CNTN1: variants seen among roughly 807,000 people sequenced by gnomAD.
CNTN1 encodes contactin 1.
In CNTN1, 38 loss-of-function variants were observed where a neutral mutation model predicts 126.4. The ratio of observed to expected loss-of-function variants is 0.30; its 90% confidence interval spans 0.23 to 0.39. CNTN1 has a LOEUF of 0.39. Ranked by LOEUF, CNTN1 falls within the 10% of genes least tolerant of loss-of-function variation. The pLI, the probability that CNTN1 is intolerant of heterozygous loss-of-function variation, is 1.00. For missense variants in CNTN1, 1,009 were observed against 1,248.4 expected, an observed-to-expected ratio of 0.81 and a Z score of 2.89; for synonymous variants, 413 against 422.6, an observed-to-expected ratio of 0.98 and a Z score of 0.28.
At chr12:40,789,858 A>G (rs78105535) in intron 1 of CNTN1, among the ~76,000 whole-genome samples, 8,145 of 152,174 alleles carry the variant, frequency 0.054, 296 homozygotes, top group Admixed American at 0.079. Flanking sequence ...TTGTATTATC[A>G]TTTTTGTAAA....
chr12:40,800,139 A>T (rs1410777579), intron 1 of CNTN1, among the ~76,000 whole-genome samples: 1 of 151,900 alleles, frequency 6.6e-6, no homozygotes, highest in Non-Finnish European at 1.5e-5. Context: ...TAATTGGATC[A>T]TGGGGGTGGT....
intron 15 of CNTN1, among the ~76,000 whole-genome samples, chr12:40,963,830 A>AT (rs1248129195): frequency 1.3e-5 from 2 of 152,164 alleles, no homozygotes; most frequent in Non-Finnish European, 2.9e-5. Flanking sequence ...CTGTATGAAT[A>AT]TTTTTTAGCA....
rs1269694527 is a variant in CNTN1, at chr12:41,053,425, CTAAATATA to C, written c.2981-16531_2981-16524del. On this transcript the variant is annotated intron_variant, in intron 23 of 23. Coordinates refer to ENST00000551295, the MANE Select transcript of CNTN1 (RefSeq NM_001843.4). ...AGATTTTGTCTCTTTCATGTTTTCACTAAATATATATATATATATATATATATATATAT... is the reference window on the plus strand; with the variant it reads ...AGATTTTGTCTCTTTCATGTTTTCACTATATATATATATATATATATATAT... Among the ~76,000 whole-genome samples, 18 of 35,864 alleles carry C rather than the reference CTAAATATA, an allele frequency of 5.0e-4. 1 individual carries two copies. Among genetic ancestry groups the C allele is most frequent in the African/African-American group, 2.8e-3 (15 of 5,390 alleles). The allele number at this position is 35,864 out of a possible 152,430, so 23.5% of individuals were successfully genotyped here.
intron 1 of CNTN1, among the ~76,000 whole-genome samples, chr12:40,758,881 GTT>G (rs1016246199): frequency 8.7e-3 from 96 of 11,022 alleles, no homozygotes; most frequent in South Asian, 0.024. Flanking sequence ...GAGGATTCAG[GTT>G]TTATATATAT....
Position 40,868,636 on chromosome 12 carries a change from G to T in CNTN1, c.-76-39721G>T, listed in dbSNP as rs146692723. 1.5e-3 allele frequency among the ~76,000 whole-genome samples: 223 copies of T among 152,120 alleles called. 3 individuals carry two copies. The highest frequency in any genetic ancestry group is 5.2e-3 in the African/African-American group (217 of 41,492). ...CACCTCCTTAAAAATTGCCCTCTTT[G>T]CTCCTCTTGATGCTTCTGCACCTGC... On this transcript the variant is annotated intron_variant, in intron 1 of 23. Coordinates refer to ENST00000551295, the MANE Select transcript of CNTN1 (RefSeq NM_001843.4).
chr12:40,846,532 G>A lies in CNTN1; in HGVS notation c.-76-61825G>A, dbSNP rs545905675. Among the ~76,000 whole-genome samples, 9 of 152,232 alleles carry A rather than the reference G, an allele frequency of 5.9e-5. No individual in the cohort carries two copies. The East Asian group carries it at 1.7e-3, about 29-fold the overall frequency. On this transcript the variant is annotated intron_variant, in intron 1 of 23. Coordinates refer to ENST00000551295, the MANE Select transcript of CNTN1 (RefSeq NM_001843.4). ...AGCATTTTCATTGCTCCCATGTGTC[G>A]TCACTCCACATAGCAGTAGAAAAGC...
intron 1 of CNTN1, among the ~76,000 whole-genome samples, chr12:40,727,152 T>C (rs928971688): frequency 4.6e-5 from 7 of 151,158 alleles, no homozygotes; most frequent in African/African-American, 1.7e-4. Flanking sequence ...AATGTGATGA[T>C]TACACTTCTT....
intron 1 of CNTN1, among the ~76,000 whole-genome samples, chr12:40,735,686 G>C (rs1450395087): frequency 6.6e-6 from 1 of 152,106 alleles, no homozygotes; most frequent in African/African-American, 2.4e-5. Flanking sequence ...CACAATTTAA[G>C]ATGAAGAGCT....
intron 14 of CNTN1, among the ~76,000 whole-genome samples, chr12:40,958,836 T>C (rs1220543892): frequency 6.6e-6 from 1 of 152,078 alleles, no homozygotes. Context: ...ATGAAATAGT[T>C]TCATCCCTTG....
intron 1 of CNTN1, among the ~76,000 whole-genome samples, chr12:40,866,919 G>A (rs1000966240): frequency 1.3e-5 from 2 of 152,214 alleles, no homozygotes; most frequent in East Asian, 3.9e-4. Context: ...ACTTTGTGAA[G>A]TCTTTCTGTG....
At chr12:40,725,272 A>C (rs1476594805) in intron 1 of CNTN1, among the ~76,000 whole-genome samples, 2 of 151,914 alleles carry the variant, frequency 1.3e-5, no homozygotes, top group East Asian at 1.9e-4. Context: ...GTGGTGGTGC[A>C]TGCCTGTAAT....
chr12:40,996,765 T>G (rs1323091525), intron 17 of CNTN1, among the ~76,000 whole-genome samples: 1 of 152,244 alleles, frequency 6.6e-6, no homozygotes, highest in Non-Finnish European at 1.5e-5. Context: ...ATTTCTCTAC[T>G]GTTTTGCCAT....
intron 16 of CNTN1, among the ~76,000 whole-genome samples, chr12:40,985,014 T>C (rs1354280098): frequency 1.3e-5 from 2 of 152,186 alleles, no homozygotes; most frequent in African/African-American, 4.8e-5. Flanking sequence ...TTATTCAAAT[T>C]GCTGTTTGGG....
At chr12:40,853,163 G>A (rs906473832) in intron 1 of CNTN1, among the ~76,000 whole-genome samples, 6 of 151,984 alleles carry the variant, frequency 3.9e-5, no homozygotes, top group Non-Finnish European at 5.9e-5. Flanking sequence ...ACTGCTGGAG[G>A]TTTTGTTACC....
At chr12:40,779,172 C>G (rs1939700374) in intron 1 of CNTN1, among the ~76,000 whole-genome samples, 1 of 151,462 alleles carries the variant, frequency 6.6e-6, no homozygotes, top group South Asian at 2.1e-4. Context: ...TAGTAAATAA[C>G]AGTTTCTTAA....
intron 23 of CNTN1, among the ~76,000 whole-genome samples, chr12:41,049,011 AG>A (rs1949612308): frequency 1.3e-5 from 2 of 152,178 alleles, no homozygotes; most frequent in Non-Finnish European, 1.5e-5. Flanking sequence ...TTTCTAATTT[AG>A]GAGTAGTCCT....
intron 3 of CNTN1, among the ~76,000 whole-genome samples, chr12:40,910,415 T>G (rs1370843188): frequency 6.6e-6 from 1 of 152,200 alleles, no homozygotes; most frequent in Non-Finnish European, 1.5e-5. Flanking sequence ...TTAAAATTTG[T>G]AAGCCTTGAA....
chr12:40,849,863 G>C (rs1942654295), intron 1 of CNTN1, among the ~76,000 whole-genome samples: 1 of 151,866 alleles, frequency 6.6e-6, no homozygotes, highest in Non-Finnish European at 1.5e-5. Context: ...ATTTTAGTGA[G>C]ATACATATAT....
chr12:40,816,499 C>T lies in CNTN1; in HGVS notation c.-76-91858C>T, dbSNP rs192496116. On this transcript the variant is annotated intron_variant, in intron 1 of 23. Transcript: ENST00000551295. The stretch of plus-strand genomic sequence containing the variant: ...TTTCTGTGGGGTCGATGGTGATGTC[C>T]CCTTTACCACTTTTTATTGTGTCTA... Among the ~76,000 whole-genome samples the T allele has an allele frequency of 3.2e-4, 48 of 151,906 alleles. No homozygotes were observed. In the East Asian group the frequency reaches 7.7e-3, roughly 24 times the overall value.
Sources: gnomAD v4.1 joint callset for allele counts (sites outside exome capture counted in the v4.1 genomes callset) on GRCh38, gnomAD v4.1.1 for gene constraint, MANE v1.5 for transcripts, NCBI Gene and HGNC (gene_info 2026-07-23, HGNC 2026-07-21) for gene names.